CSMD1: variants seen among roughly 807,000 people sequenced by gnomAD.
The protein encoded by CSMD1 is CUB and sushi domain-containing protein 1.
A neutral mutation model predicts 417.5 loss-of-function variants in CSMD1; 213 were observed. The observed-to-expected ratio is 0.51, with a 90% CI of 0.46 to 0.57. The LOEUF is 0.57. Ranked by LOEUF, CSMD1 falls within the 20% of genes least tolerant of loss-of-function variation. The probability of loss-of-function intolerance (pLI) is 0.00; values close to 1 mark genes in which losing one functional copy is unlikely to be tolerated. For missense variants in CSMD1, 6,923 were observed against 4,529.7 expected, an observed-to-expected ratio of 1.53 and a Z score of -15.17; for synonymous variants, 2,862 against 1,736.8, an observed-to-expected ratio of 1.65 and a Z score of -16.11.
In CSMD1 at chr8:3,203,579, G is replaced by A. The variant is rs570098658; in HGVS notation, c.4985-1854C>T. Among the ~76,000 whole-genome samples, 3 of 152,286 alleles carry A rather than the reference G, an allele frequency of 2.0e-5. No homozygotes were observed. The South Asian group carries it at 6.2e-4, about 32-fold the overall frequency. ...AAGCAAAATGGTGGCGGGGACAAAT[G>A]CAGCAAATAGTCAACTTCAGCTAAC... is the stretch of plus-strand genomic sequence containing the variant. On this transcript the variant is annotated intron_variant, in intron 31 of 69. Coordinates refer to ENST00000635120, the MANE Select transcript of CSMD1 (RefSeq NM_033225.6).
chr8:4,607,047 T>A (rs1173931389), intron 2 of CSMD1, among the ~76,000 whole-genome samples: 2 of 152,196 alleles, frequency 1.3e-5, no homozygotes, highest in African/African-American at 4.8e-5. Flanking sequence ...GATCATTTGC[T>A]CTTCAACCAT....
intron 1 of CSMD1, among the ~76,000 whole-genome samples, chr8:4,742,973 G>A (rs1480120049): frequency 6.6e-6 from 1 of 152,262 alleles, no homozygotes; most frequent in East Asian, 1.9e-4. Context: ...AACTAAAGGA[G>A]AAACATGGTC....
chr8:3,686,689 C>A (rs554292681), intron 7 of CSMD1, among the ~76,000 whole-genome samples: 1 of 152,312 alleles, frequency 6.6e-6, no homozygotes, highest in East Asian at 1.9e-4. Context: ...ACTTCTCTAG[C>A]CGATCCCTTA....
rs547079570 is a variant in CSMD1 at position 4,203,929 on chromosome 8, C to A, written c.416-171830G>T. On this transcript the variant is annotated intron_variant, in intron 3 of 69. Transcript: ENST00000635120. ...CAGCCTGGGAAATATGGCGAAACCT[C>A]ATCTCTACAAAAAATACAAAAATTA... Among the ~76,000 whole-genome samples, 277 of 152,084 alleles carry A rather than the reference C, an allele frequency of 1.8e-3. 4 individuals carry two copies. The highest frequency in any genetic ancestry group is 3.1e-4 in the Non-Finnish European group (21 of 67,966).
At chr8:4,738,028 G>C (rs150160159) in intron 1 of CSMD1, among the ~76,000 whole-genome samples, 4 of 152,280 alleles carry the variant, frequency 2.6e-5, no homozygotes, top group South Asian at 2.1e-4. Flanking sequence ...TGGAGAATGA[G>C]AGAGAATAAG....
Position 4,825,020 on chromosome 8 carries a change from T to C in CSMD1, c.85+169312A>G, listed in dbSNP as rs566933894. On this transcript the variant is annotated intron_variant, in intron 1 of 69. Transcript: ENST00000635120. Reference sequence around the variant, plus strand: ...GAATGCACTGCCATGTTTATGACACTTAGGTTTTTATCCTTTTTGAAGTCA... The same window carrying C: ...GAATGCACTGCCATGTTTATGACACCTAGGTTTTTATCCTTTTTGAAGTCA... Among the ~76,000 whole-genome samples the C allele has an allele frequency of 4.3e-4, 65 of 152,212 alleles. 1 individual carries two copies. Among genetic ancestry groups the C allele is most frequent in the Admixed American group, 4.3e-3 (65 of 15,252 alleles).
chr8:3,517,640 G>C (rs1431903576), intron 10 of CSMD1, among the ~76,000 whole-genome samples: 1 of 152,140 alleles, frequency 6.6e-6, no homozygotes, highest in Admixed American at 6.5e-5. Flanking sequence ...GGGGAAAAAG[G>C]CTTTCTGAAA....
intron 23 of CSMD1, among the ~76,000 whole-genome samples, chr8:3,317,596 T>C (rs1046327491): frequency 1.3e-5 from 2 of 152,224 alleles, no homozygotes; most frequent in African/African-American, 4.8e-5. Flanking sequence ...TTGTTTTGTT[T>C]TGTTTAATAG....
intron 5 of CSMD1, among the ~76,000 whole-genome samples, chr8:3,978,132 C>G (rs1813581360): frequency 6.6e-6 from 1 of 152,142 alleles, no homozygotes; most frequent in Non-Finnish European, 1.5e-5. Flanking sequence ...AAAGCAAGCC[C>G]TGCCCTCAAG....
At chr8:4,232,044 A>G (rs192058770) in intron 3 of CSMD1, among the ~76,000 whole-genome samples, 214 of 152,342 alleles carry the variant, frequency 1.4e-3, no homozygotes, top group Non-Finnish European at 2.5e-3. Flanking sequence ...TTGGCCTGAT[A>G]CTATGAGGTG....
At chr8:4,550,706 A>G (rs764595933) in intron 2 of CSMD1, among the ~76,000 whole-genome samples, 1 of 152,188 alleles carries the variant, frequency 6.6e-6, no homozygotes, top group African/African-American at 2.4e-5. Flanking sequence ...CTTGTCTATT[A>G]TCCAGTCCAC....
At chr8:4,017,441 G>C (rs1212475292) in intron 4 of CSMD1, among the ~76,000 whole-genome samples, 1 of 152,066 alleles carries the variant, frequency 6.6e-6, no homozygotes, top group African/African-American at 2.4e-5. Flanking sequence ...TGAGTAGCTA[G>C]GATTACAGGC....
intron 10 of CSMD1, among the ~76,000 whole-genome samples, chr8:3,554,544 C>G (rs534925280): frequency 2.0e-5 from 3 of 152,278 alleles, no homozygotes; most frequent in South Asian, 4.1e-4. Context: ...ACCCCCAGCT[C>G]CTGCTCTGTT....
intron 11 of CSMD1, among the ~76,000 whole-genome samples, chr8:3,470,319 G>A (rs551247654): frequency 6.6e-6 from 1 of 152,130 alleles, no homozygotes; most frequent in African/African-American, 2.4e-5. Flanking sequence ...AACACAAGTA[G>A]GGGATGATTA....
chr8:3,089,156 A>C (rs1445399291), intron 48 of CSMD1, among the ~76,000 whole-genome samples: 1 of 152,214 alleles, frequency 6.6e-6, no homozygotes, highest in Admixed American at 6.5e-5. Flanking sequence ...CAGGAAGAGG[A>C]ATTCAGAGGA....
chr8:4,305,146 T>A (rs1260516673), intron 3 of CSMD1, among the ~76,000 whole-genome samples: 1 of 152,216 alleles, frequency 6.6e-6, no homozygotes, highest in Non-Finnish European at 1.5e-5. Context: ...TGCATTGGTA[T>A]CTATTTTGAA....
intron 3 of CSMD1, among the ~76,000 whole-genome samples, chr8:4,264,498 A>G (rs1804105202): frequency 6.6e-6 from 1 of 152,168 alleles, no homozygotes; most frequent in East Asian, 1.9e-4. Flanking sequence ...TTTACAAGCT[A>G]ATGTGTACCC....
At chr8:3,626,756 C>T (rs1796510793) in intron 7 of CSMD1, among the ~76,000 whole-genome samples, 1 of 150,114 alleles carries the variant, frequency 6.7e-6, no homozygotes, top group African/African-American at 2.4e-5. Flanking sequence ...ATATATATTA[C>T]CTATGTATTC....
intron 10 of CSMD1, among the ~76,000 whole-genome samples, chr8:3,523,840 GAC>G (rs745429239): frequency 2.8e-4 from 35 of 126,504 alleles, no homozygotes; most frequent in Non-Finnish European, 4.7e-4. Flanking sequence ...CACACCCAGA[GAC>G]ACATGTGCAT....
Sources: allele counts gnomAD v4.1 joint callset (sites outside exome capture counted in the v4.1 genomes callset), GRCh38; gene constraint gnomAD v4.1.1; transcripts MANE v1.5; gene names NCBI Gene and HGNC (gene_info 2026-07-23, HGNC 2026-07-21).